SLC35F1: variants seen among roughly 807,000 people sequenced by gnomAD.
The protein encoded by SLC35F1 is solute carrier family 35 member F1, also known as chromosome 6 open reading frame 169.
A neutral mutation model predicts 48.7 loss-of-function variants in SLC35F1; 14 were observed. That is an observed-to-expected ratio of 0.29 (90% CI 0.19 to 0.45). SLC35F1 has a LOEUF of 0.45. Ranked by LOEUF, SLC35F1 falls within the 20% of genes least tolerant of loss-of-function variation. SLC35F1 has a pLI of 1.00. For synonymous variants in SLC35F1, 190 were observed against 202.2 expected (o/e 0.94, Z 0.51); for missense variants, 404 against 500.0 (o/e 0.81, Z 1.83).
chr6:118,040,700 A>C (rs1772204065), intron 1 of SLC35F1, among the ~76,000 whole-genome samples: 2 of 151,738 alleles, frequency 1.3e-5, no homozygotes, highest in South Asian at 4.2e-4. Context: ...CGTTTTACAT[A>C]TCATGCCCCA....
intron 1 of SLC35F1, among the ~76,000 whole-genome samples, chr6:118,151,634 G>C (rs560042815): frequency 2.6e-5 from 4 of 152,084 alleles, no homozygotes; most frequent in Non-Finnish European, 5.9e-5. Context: ...TCCTGCCTCA[G>C]TCTCCCAAGG....
At chr6:118,228,308 AATG>A (rs1333071644) in intron 2 of SLC35F1, among the ~76,000 whole-genome samples, 1 of 109,446 alleles carries the variant, frequency 9.1e-6, no homozygotes, top group Non-Finnish European at 1.9e-5. Flanking sequence ...TTTCATACTA[AATG>A]GAATAGTTTT....
At chr6:118,049,697 T>C (rs947467978) in intron 1 of SLC35F1, among the ~76,000 whole-genome samples, 1 of 151,896 alleles carries the variant, frequency 6.6e-6, no homozygotes, top group African/African-American at 2.4e-5. Flanking sequence ...ATGGCGATCA[T>C]TAAAAAGTCA....
intron 7 of SLC35F1, among the ~76,000 whole-genome samples, chr6:118,307,183 C>A (rs1398941002): frequency 9.2e-5 from 14 of 152,190 alleles, no homozygotes. Flanking sequence ...AATACAGAAT[C>A]CATTTGGCAT....
intron 1 of SLC35F1, among the ~76,000 whole-genome samples, chr6:118,130,739 C>A (rs1773697830): frequency 6.6e-6 from 1 of 151,838 alleles, no homozygotes; most frequent in African/African-American, 2.4e-5. Context: ...ACTTTGTATG[C>A]ATGAAGCACT....
intron 7 of SLC35F1, among the ~76,000 whole-genome samples, chr6:118,309,577 C>G (rs1776350947): frequency 6.6e-6 from 1 of 152,150 alleles, no homozygotes; most frequent in Admixed American, 6.5e-5. Flanking sequence ...GAAAGTTGCC[C>G]TTGAAGCATT....
chr6:117,930,267 A>G (rs1426974479), intron 1 of SLC35F1, among the ~76,000 whole-genome samples: 1 of 152,040 alleles, frequency 6.6e-6, no homozygotes, highest in Non-Finnish European at 1.5e-5. Flanking sequence ...TGGACTCTAC[A>G]TTTTGCTCCA....
intron 1 of SLC35F1, among the ~76,000 whole-genome samples, chr6:118,049,055 T>C: frequency 6.6e-6 from 1 of 151,860 alleles, no homozygotes; most frequent in Non-Finnish European, 1.5e-5. Context: ...TCAGAAATAA[T>C]GCCGCATATC....
At chr6:118,156,219 G>A (rs969856177) in intron 2 of SLC35F1, among the ~76,000 whole-genome samples, 6 of 150,948 alleles carry the variant, frequency 4.0e-5, no homozygotes, top group Admixed American at 4.0e-4. Context: ...ATGTAAATGT[G>A]TTATCTAAGT....
At position 118,212,732 on chromosome 6, in the gene SLC35F1, A is replaced by AAGGAAGGAAGGG. The variant is rs1562327040; in HGVS notation, c.350-22766_350-22765insGAGGAAGGAAGG. Among the ~76,000 whole-genome samples the AAGGAAGGAAGGG allele has an allele frequency of 1.1e-3, 34 of 31,356 alleles. 1 individual carries two copies. The highest frequency in any genetic ancestry group is 1.6e-3 in the Non-Finnish European group (27 of 16,740). 20.6% of individuals were successfully genotyped at this position (31,356 alleles called of 152,430 possible). A position where few individuals can be genotyped will look rare whatever the true frequency, so the allele number is the denominator to read the frequency against. ...AGGAAAGGAAGGAAGGAAGGAAAGG[A>AAGGAAGGAAGGG]AGGAAGGAAGGAAGGAAGGAAGGAA... On this transcript the variant is annotated intron_variant, in intron 2 of 7. Coordinates refer to ENST00000360388, the MANE Select transcript of SLC35F1 (RefSeq NM_001029858.4).
At chr6:118,251,257 G>C (rs1370058317) in intron 3 of SLC35F1, among the ~76,000 whole-genome samples, 1 of 152,144 alleles carries the variant, frequency 6.6e-6, no homozygotes, top group Non-Finnish European at 1.5e-5. Context: ...AATGAGTCAA[G>C]AAAGACCATG....
chr6:118,160,708 C>A (rs1774217367), intron 2 of SLC35F1, among the ~76,000 whole-genome samples: 2 of 152,196 alleles, frequency 1.3e-5, no homozygotes, highest in Admixed American at 1.3e-4. Flanking sequence ...CTGGCCCCTT[C>A]TGCTTACATC....
intron 1 of SLC35F1, among the ~76,000 whole-genome samples, chr6:118,105,575 G>T (rs1010336299): frequency 6.6e-6 from 1 of 152,124 alleles, no homozygotes; most frequent in African/African-American, 2.4e-5. Flanking sequence ...ATCTTTCTAC[G>T]CATTGCCCAG....
chr6:118,147,885 A>G (rs960644739), intron 1 of SLC35F1, among the ~76,000 whole-genome samples: 1 of 152,228 alleles, frequency 6.6e-6, no homozygotes, highest in Admixed American at 6.5e-5. Context: ...GCAGAATGTG[A>G]GGCAAAGATA....
At chr6:118,148,150 A>T (rs1357276960) in intron 1 of SLC35F1, among the ~76,000 whole-genome samples, 1 of 152,190 alleles carries the variant, frequency 6.6e-6, no homozygotes, top group Non-Finnish European at 1.5e-5. Flanking sequence ...GTTTGAATTC[A>T]TATGCTGACT....
intron 1 of SLC35F1, among the ~76,000 whole-genome samples, chr6:118,125,161 A>C (rs1244211605): frequency 6.6e-6 from 1 of 152,192 alleles, no homozygotes; most frequent in Non-Finnish European, 1.5e-5. Context: ...CTATTTAGAG[A>C]ATACAAGAAG....
intron 7 of SLC35F1, among the ~76,000 whole-genome samples, chr6:118,289,848 A>T (rs1321334527): frequency 6.6e-6 from 1 of 152,232 alleles, no homozygotes; most frequent in African/African-American, 2.4e-5. Context: ...ATATACAGCC[A>T]GAGTTGGGAG....
At chr6:117,979,680 T>C (rs953106) in intron 1 of SLC35F1, among the ~76,000 whole-genome samples, 3 of 152,206 alleles carry the variant, frequency 2.0e-5, no homozygotes, top group Non-Finnish European at 2.9e-5. Flanking sequence ...TAATTATGTC[T>C]TTCTTTTCTT....
intron 1 of SLC35F1, among the ~76,000 whole-genome samples, chr6:117,970,307 A>C (rs1776622516): frequency 6.6e-6 from 1 of 152,266 alleles, no homozygotes. Context: ...TAACAGCCAC[A>C]GACCACAATG....
Sources: allele counts gnomAD v4.1 joint callset (sites outside exome capture counted in the v4.1 genomes callset), GRCh38; gene constraint gnomAD v4.1.1; transcripts MANE v1.5; gene names NCBI Gene and HGNC (gene_info 2026-07-23, HGNC 2026-07-21).